CNNM1: variants seen among roughly 807,000 people sequenced by gnomAD.
CNNM1 encodes metal transporter CNNM1.
CNNM1 carries 44 observed loss-of-function variants against 78.8 expected under a neutral mutation model. That is an observed-to-expected ratio of 0.56 (90% CI 0.44 to 0.72). CNNM1 has a LOEUF of 0.72. Ranked by LOEUF, CNNM1 falls within the 30% of genes least tolerant of loss-of-function variation. The pLI, the probability that CNNM1 is intolerant of heterozygous loss-of-function variation, is 0.00. For synonymous variants in CNNM1, 584 were observed against 581.5 expected, an observed-to-expected ratio of 1.00 and a Z score of -0.06; for missense variants, 1,101 against 1,292.2, an observed-to-expected ratio of 0.85 and a Z score of 2.27.
At position 99,360,932 on chromosome 10, in the gene CNNM1, C is replaced by T; in HGVS notation, c.1815C>T (p.Ile605=). 1 of 1,612,604 alleles carries T rather than the reference C, an allele frequency of 6.2e-7. No homozygotes were observed. The highest frequency in any genetic ancestry group is 8.5e-7 in the Non-Finnish European group (1 of 1,178,754). Residue 605 remains isoleucine, a synonymous_variant, in exon 3 of 11, where the codon ATC becomes ATT. Transcript: ENST00000356713. ...CGGACACGGAGATGCGGGTGAAGAT[C>T]TCACCACAGCTTCTGCTAGCCACAC... ...KLSDTEMRVK[I]SPQLLLATHR...
At chr10:99,349,605 T>A (rs970751748) in intron 1 of CNNM1, among the ~76,000 whole-genome samples, 3 of 152,196 alleles carry the variant, frequency 2.0e-5, no homozygotes, top group Non-Finnish European at 4.4e-5. Flanking sequence ...TCCCAAGTGA[T>A]ACCATGTTTC....
chr10:99,388,270 G>C lies in CNNM1; in HGVS notation c.2643G>C (p.Thr881=). The C allele has an allele frequency of 1.2e-6, 2 of 1,613,766 alleles. No homozygotes were observed. The highest frequency in any genetic ancestry group is 2.2e-5 in the South Asian group (2 of 91,072). ...AGGAGCACAGCACACAGCAGCTCAC[G>C]CTGTCTCCTGCAGCCGTTCCCACGA... is the stretch of plus-strand genomic sequence containing the variant. ...DFEEHSTQQL[T]LSPAAVPTRA... Residue 881 remains threonine, a synonymous_variant, in exon 9 of 11, where the codon ACG becomes ACC. Transcript: ENST00000356713.
intron 6 of CNNM1, among the ~76,000 whole-genome samples, chr10:99,375,554 T>C (rs1011721555): frequency 2.0e-5 from 3 of 152,220 alleles, no homozygotes; most frequent in Non-Finnish European, 1.5e-5. Context: ...GTGATGATTA[T>C]GGTTCTAATG....
intron 1 of CNNM1, among the ~76,000 whole-genome samples, chr10:99,343,856 A>G (rs1047172138): frequency 1.3e-5 from 2 of 151,684 alleles, no homozygotes; most frequent in Admixed American, 6.6e-5. Context: ...CTCGGATTAC[A>G]GACACCCGCC....
At chr10:99,388,411 G>A (rs1387579874) in intron 9 of CNNM1, 110 bp downstream of exon 9, 21 of 1,283,984 alleles carry the variant, frequency 1.6e-5, no homozygotes, top group African/African-American at 1.5e-4. Context: ...CAGCCCGTGC[G>A]TTAAACCTCC....
In CNNM1 at chr10:99,329,688, G is replaced by A; in HGVS notation, c.301G>A (p.Asp101Asn). Reference protein sequence around the residue: ...TLNSGENGTGDWAPRLVFIEE... With the variant: ...TLNSGENGTGNWAPRLVFIEE... ...CAACTCGGGGGAGAATGGCACCGGC[G>A]ACTGGGCTCCGCGGCTCGTGTTCAT... Residue 101 changes from aspartate to asparagine, a missense_variant, in exon 1 of 11, where the codon GAC becomes AAC. By Grantham distance (23) the Asp-to-Asn change is conservative. Around this residue, in one of 3 missense-constraint regions of CNNM1, gnomAD observed 476 missense variants for 484.5 expected, o/e 0.98. Coordinates refer to ENST00000356713, the MANE Select transcript of CNNM1 (RefSeq NM_020348.3). 1 of 1,553,710 alleles carries A rather than the reference G, an allele frequency of 6.4e-7. No homozygotes were observed. The highest frequency in any genetic ancestry group is 8.6e-7 in the Non-Finnish European group (1 of 1,161,070).
In CNNM1 at chr10:99,330,748, C is replaced by G; in HGVS notation, c.1361C>G (p.Ser454Cys). The part of the protein sequence containing the change: ...SDAVLDFATV[S>C]EILRSGYTRI... The stretch of plus-strand genomic sequence containing the variant: ...GCGGTGCTCGACTTCGCCACTGTCT[C>G]CGAGATCCTGCGCAGCGGCTACACT... Residue 454 changes from serine (S) to cysteine (C), a missense_variant, in exon 1 of 11, where the codon TCC (serine) becomes TGC (cysteine). Ser to Cys is a moderately radical substitution (Grantham distance 112). This residue lies in a region of CNNM1 where 277 missense variants were observed against 423.2 expected (regional missense o/e 0.65). Coordinates refer to ENST00000356713, the MANE Select transcript of CNNM1 (RefSeq NM_020348.3). The G allele has an allele frequency of 6.2e-7, 1 of 1,614,052 alleles. No individual in the cohort carries two copies. The highest frequency in any genetic ancestry group is 8.5e-7 in the Non-Finnish European group (1 of 1,179,924).
intron 7 of CNNM1, among the ~76,000 whole-genome samples, chr10:99,384,928 G>T (rs1201069580): frequency 6.6e-6 from 1 of 151,900 alleles, no homozygotes; most frequent in African/African-American, 2.4e-5. Context: ...AATAAGCTGG[G>T]CGTCGTGGTG....
chr10:99,394,005 C>T lies in CNNM1; in HGVS notation c.*2489C>T, dbSNP rs997173609. On this transcript the variant is annotated 3_prime_UTR_variant, in exon 11 of 11. Coordinates refer to ENST00000356713, the MANE Select transcript of CNNM1 (RefSeq NM_020348.3). The stretch of plus-strand genomic sequence containing the variant: ...GCCCTCAATGTTGGGTACTTAGACC[C>T]AAACCAATAAATGGTGAGTTTTGAA... The T allele has an allele frequency of 2.0e-5, 3 of 152,354 alleles. No homozygotes were observed. In the South Asian group the frequency reaches 6.2e-4, roughly 32 times the overall value. 9.4% of individuals were successfully genotyped at this position (152,354 alleles called of 1,614,324 possible). A position where few individuals can be genotyped will look rare whatever the true frequency, so the allele number is the denominator to read the frequency against.
At chr10:99,390,554 G>A (rs2032444004) in intron 10 of CNNM1, 147 bp downstream of exon 10, 2 of 651,578 alleles carry the variant, frequency 3.1e-6, no homozygotes, top group South Asian at 1.8e-5. Flanking sequence ...CGCAGAAGGG[G>A]TTGGGCCAGC....
intron 1 of CNNM1, 65 bp downstream of exon 1, chr10:99,331,025 C>G: frequency 6.8e-7 from 1 of 1,470,908 alleles, no homozygotes; most frequent in Non-Finnish European, 9.1e-7. Context: ...CTTTCCTAAC[C>G]ACGTGAGGCT....
intron 1 of CNNM1, among the ~76,000 whole-genome samples, chr10:99,342,771 G>A (rs543618408): frequency 1.3e-5 from 2 of 152,066 alleles, no homozygotes; most frequent in South Asian, 4.2e-4. Context: ...ACAAAGATTA[G>A]GAGCTCAGAG....
intron 6 of CNNM1, 56 bp downstream of exon 6, chr10:99,365,058 C>T (rs1425784715): frequency 1.1e-5 from 17 of 1,582,128 alleles, no homozygotes; most frequent in East Asian, 6.7e-5. Flanking sequence ...TGCCTCAGCC[C>T]GCTCTGGGGA....
Position 99,394,042 on chromosome 10 carries a change from A to G in CNNM1, c.*2526A>G, listed in dbSNP as rs2032550185. The G allele has an allele frequency of 6.6e-6, 1 of 152,422 alleles. No individual in the cohort carries two copies. The highest frequency in any genetic ancestry group is 6.5e-5 in the Admixed American group (1 of 15,278). 9.4% of individuals were successfully genotyped at this position (152,422 alleles called of 1,614,324 possible). Reference sequence around the variant, plus strand: ...TGGTGAGTTTTGAACAAGAACTACCATCATGCAGGCTTCTTGCCCAGCTGA... The same window carrying G: ...TGGTGAGTTTTGAACAAGAACTACCGTCATGCAGGCTTCTTGCCCAGCTGA... On this transcript the variant is annotated 3_prime_UTR_variant, in exon 11 of 11. Transcript: ENST00000356713.
intron 2 of CNNM1, among the ~76,000 whole-genome samples, chr10:99,360,021 G>T (rs928938991): frequency 5.8e-5 from 5 of 86,088 alleles, no homozygotes; most frequent in African/African-American, 1.6e-4. Context: ...ATTGGAAAAA[G>T]CAAATGTTTT....
At chr10:99,376,054 G>A (rs1304245194) in intron 6 of CNNM1, among the ~76,000 whole-genome samples, 1 of 152,214 alleles carries the variant, frequency 6.6e-6, no homozygotes, top group Non-Finnish European at 1.5e-5. Context: ...TTTGACAGAA[G>A]GCCTGCAGAT....
chr10:99,384,328 G>A (rs181832870), intron 7 of CNNM1, among the ~76,000 whole-genome samples: 8 of 152,242 alleles, frequency 5.3e-5, no homozygotes, highest in Admixed American at 4.6e-4. Flanking sequence ...GACATGGCAG[G>A]AGTTCATGAT....
At position 99,330,749 on chromosome 10, in the gene CNNM1, C is replaced by T; in HGVS notation, c.1362C>T (p.Ser454=). The T allele has an allele frequency of 1.2e-6, 2 of 1,614,034 alleles. No individual in the cohort carries two copies. Among genetic ancestry groups the T allele is most frequent in the Non-Finnish European group, 1.7e-6 (2 of 1,179,934 alleles). ...SDAVLDFATV[S]EILRSGYTRI... The stretch of plus-strand genomic sequence containing the variant: ...CGGTGCTCGACTTCGCCACTGTCTC[C>T]GAGATCCTGCGCAGCGGCTACACTC... Residue 454 remains serine, a synonymous_variant, in exon 1 of 11, where the codon TCC becomes TCT. Coordinates refer to ENST00000356713, the MANE Select transcript of CNNM1 (RefSeq NM_020348.3).
chr10:99,350,293 G>T (rs2030891359), intron 1 of CNNM1, among the ~76,000 whole-genome samples: 1 of 152,234 alleles, frequency 6.6e-6, no homozygotes, highest in African/African-American at 2.4e-5. Flanking sequence ...AAGGTCACAA[G>T]TGAGGCAGAA....
Sources: allele counts gnomAD v4.1 joint callset (sites outside exome capture counted in the v4.1 genomes callset), GRCh38; gene constraint gnomAD v4.1.1; regional missense constraint gnomAD v4.1.1; transcripts MANE v1.5; gene names NCBI Gene and HGNC (gene_info 2026-07-23, HGNC 2026-07-21).